SLC1A2: variants seen among roughly 807,000 people sequenced by gnomAD.
The protein encoded by SLC1A2 is solute carrier family 1 member 2, also known as excitatory amino acid transporter 2.
SLC1A2 carries 15 observed loss-of-function variants against 48.8 expected under a neutral mutation model. The ratio of observed to expected loss-of-function variants is 0.31; its 90% CI spans 0.21 to 0.47. SLC1A2 has a LOEUF of 0.47. Among genes scored for constraint, SLC1A2 ranks in the 20% least tolerant of loss-of-function variants. The probability of loss-of-function intolerance (pLI) is 0.99; values close to 1 mark genes in which losing one functional copy is unlikely to be tolerated. For missense variants in SLC1A2, 502 were observed against 730.5 expected (o/e 0.69, Z 3.61); for synonymous variants, 279 against 272.6 (o/e 1.02, Z -0.23).
chr11:35,358,580 T>A (rs1168832220), intron 1 of SLC1A2, among the ~76,000 whole-genome samples: 1 of 152,238 alleles, frequency 6.6e-6, no homozygotes, highest in Non-Finnish European at 1.5e-5. Flanking sequence ...ACTTTCTCAA[T>A]GTTTTCTGGT....
At chr11:35,418,658 A>G (rs553203313) in intron 1 of SLC1A2, 26 of 461,068 alleles carry the variant, frequency 5.6e-5, no homozygotes, top group African/African-American at 4.7e-4. Context: ...TTGAAATCCC[A>G]AAAGTAACCT....
chr11:35,339,923 T>C (rs1304495105), intron 1 of SLC1A2, among the ~76,000 whole-genome samples: 4 of 152,210 alleles, frequency 2.6e-5, no homozygotes, highest in Non-Finnish European at 5.9e-5. Context: ...TATTGCTTTT[T>C]CAATGTTAGG....
intron 1 of SLC1A2, among the ~76,000 whole-genome samples, chr11:35,318,198 C>T (rs868378075): frequency 6.6e-6 from 1 of 152,236 alleles, no homozygotes; most frequent in South Asian, 2.1e-4. Flanking sequence ...TCACCTCCAG[C>T]TATGGCTGCA....
intron 5 of SLC1A2, among the ~76,000 whole-genome samples, chr11:35,305,105 C>T (rs1414597551): frequency 2.0e-5 from 3 of 152,186 alleles, no homozygotes; most frequent in Non-Finnish European, 4.4e-5. Context: ...GCCCCTATTT[C>T]CTGTCTCGGG....
chr11:35,359,519 A>C (rs1046726604), intron 1 of SLC1A2, among the ~76,000 whole-genome samples: 2 of 152,210 alleles, frequency 1.3e-5, no homozygotes, highest in African/African-American at 4.8e-5. Flanking sequence ...GCCCAAGGTC[A>C]CTGTTTGTTT....
intron 1 of SLC1A2, among the ~76,000 whole-genome samples, chr11:35,330,524 C>T (rs1407567912): frequency 6.6e-6 from 1 of 152,178 alleles, no homozygotes; most frequent in Non-Finnish European, 1.5e-5. Context: ...TCCCCAGAAC[C>T]TGTGGATGTG....
intron 9 of SLC1A2, among the ~76,000 whole-genome samples, chr11:35,269,020 C>G (rs975932158): frequency 6.6e-6 from 1 of 152,152 alleles, no homozygotes; most frequent in Non-Finnish European, 1.5e-5. Context: ...TATGACGAAA[C>G]CTAATCATCT....
rs757405398 is a variant in SLC1A2 at position 35,256,915 on chromosome 11, G to A, written c.*3979C>T. The stretch of plus-strand genomic sequence containing the variant: ...GTCAGAACTATGGAGAATTCTCTCT[G>A]AGCACGGATATACCTACTTGGATTT... On this transcript the variant is annotated 3_prime_UTR_variant, in exon 11 of 11. Coordinates refer to ENST00000278379, the MANE Select transcript of SLC1A2 (RefSeq NM_004171.4). 2.6e-5 allele frequency: 4 copies of A among 152,136 alleles called. No homozygotes were observed. The highest frequency in any genetic ancestry group is 5.9e-5 in the Non-Finnish European group (4 of 68,014). The allele number at this position is 152,136 out of a possible 1,614,324, so 9.4% of individuals were successfully genotyped here. A position where few individuals can be genotyped will look rare whatever the true frequency, so the allele number is the denominator to read the frequency against.
chr11:35,397,830 G>T (rs867083271), intron 1 of SLC1A2, among the ~76,000 whole-genome samples: 1 of 152,132 alleles, frequency 6.6e-6, no homozygotes, highest in Non-Finnish European at 1.5e-5. Context: ...CCAGCACCCC[G>T]ATCTTAGACT....
intron 4 of SLC1A2, among the ~76,000 whole-genome samples, chr11:35,309,157 A>G (rs1248297965): frequency 6.6e-6 from 1 of 152,128 alleles, no homozygotes; most frequent in Non-Finnish European, 1.5e-5. Context: ...CCAGCCTATC[A>G]TCCTGCCTCT....
chr11:35,379,195 C>T (rs553516376), intron 1 of SLC1A2, among the ~76,000 whole-genome samples: 93 of 152,238 alleles, frequency 6.1e-4, no homozygotes, highest in African/African-American at 2.2e-3. Flanking sequence ...TGCCATTGCA[C>T]TCTAGCCTGG....
chr11:35,292,277 T>C lies in SLC1A2; in HGVS notation c.1091+10A>G, dbSNP rs374838343. The C allele has an allele frequency of 4.4e-6, 7 of 1,592,642 alleles. No homozygotes were observed. The highest frequency in any genetic ancestry group is 3.4e-5 in the Admixed American group (2 of 59,202). ...GAGCAAAGAGAAAGGTGATTTCTTT[T>C]GTTCTCTACCTGGAAGCGGTGCCCA... On this transcript the variant is annotated intron_variant, in intron 7 of 10. Transcript: ENST00000278379.
At chr11:35,326,377 G>A (rs1327217143) in intron 1 of SLC1A2, among the ~76,000 whole-genome samples, 1 of 152,214 alleles carries the variant, frequency 6.6e-6, no homozygotes, top group Non-Finnish European at 1.5e-5. Context: ...CCTCAGGCCT[G>A]GGAGTTTCTT....
At chr11:35,387,093 T>C (rs796700930) in intron 1 of SLC1A2, among the ~76,000 whole-genome samples, 26 of 152,280 alleles carry the variant, frequency 1.7e-4, no homozygotes, top group African/African-American at 5.8e-4. Flanking sequence ...CTTCTGACTT[T>C]CCCATCTTCT....
chr11:35,372,830 CCATTCTAAGCCCTT>C (rs1243905867), intron 1 of SLC1A2, among the ~76,000 whole-genome samples: 1 of 152,136 alleles, frequency 6.6e-6, no homozygotes, highest in African/African-American at 2.4e-5. Flanking sequence ...TCACCAGGAA[CCATTCTAAGCCCTT>C]CATTTAGATT....
intron 9 of SLC1A2, among the ~76,000 whole-genome samples, 171 bp from the exon 10 acceptor site, chr11:35,265,929 T>C (rs1950475722): frequency 2.0e-5 from 3 of 152,194 alleles, no homozygotes; most frequent in Admixed American, 2.0e-4. Flanking sequence ...TCCTTGTTTG[T>C]CAGTTGGAGG....
chr11:35,329,162 T>G (rs1416820487), intron 1 of SLC1A2, among the ~76,000 whole-genome samples: 1 of 152,202 alleles, frequency 6.6e-6, no homozygotes, highest in African/African-American at 2.4e-5. Context: ...GGCTACATAC[T>G]GTATGATTCC....
intron 1 of SLC1A2, among the ~76,000 whole-genome samples, chr11:35,346,865 A>G (rs1397866312): frequency 6.6e-6 from 1 of 152,212 alleles, no homozygotes; most frequent in Non-Finnish European, 1.5e-5. Context: ...CCCCATGGGT[A>G]CCCCACATCT....
chr11:35,411,483 C>T (rs1352894803), intron 1 of SLC1A2, among the ~76,000 whole-genome samples: 1 of 152,116 alleles, frequency 6.6e-6, no homozygotes, highest in African/African-American at 2.4e-5. Context: ...CTATGTTGCC[C>T]AGGTTGGAGT....
Sources: allele counts gnomAD v4.1 joint callset (sites outside exome capture counted in the v4.1 genomes callset), GRCh38; gene constraint gnomAD v4.1.1; transcripts MANE v1.5; gene names NCBI Gene and HGNC (gene_info 2026-07-23, HGNC 2026-07-21).